Variants in CD164 observed in about 807,000 individuals in gnomAD.
The protein encoded by CD164 is sialomucin core protein 24.
Under a neutral mutation model 24.6 loss-of-function variants are expected in CD164, and 11 were observed. That is an observed-to-expected ratio of 0.45 (90% CI 0.28 to 0.74). CD164 has a LOEUF of 0.74. CD164 is among the 30% of genes least tolerant of loss of function. The pLI, the probability that CD164 is intolerant of heterozygous loss-of-function variation, is 0.13. For missense variants in CD164, 295 were observed against 243.7 expected, an observed-to-expected ratio of 1.21 and a Z score of -1.40; for synonymous variants, 126 against 100.3, an observed-to-expected ratio of 1.26 and a Z score of -1.53.
intron 1 of CD164, chr6:109,381,545 AC>A (rs766621532): frequency 1.4e-6 from 1 of 702,624 alleles, no homozygotes; most frequent in South Asian, 1.5e-5. Flanking sequence ...AACACCCGGT[AC>A]ATACATGGGT....
At chr6:109,374,785 T>C (rs902845476) in intron 4 of CD164, among the ~76,000 whole-genome samples, 1 of 152,188 alleles carries the variant, frequency 6.6e-6, no homozygotes, top group Non-Finnish European at 1.5e-5. Flanking sequence ...CTCCTCCGCA[T>C]GTGCTGACCC....
At chr6:109,381,337 G>A (rs546902230) in intron 1 of CD164, among the ~76,000 whole-genome samples, 2 of 152,274 alleles carry the variant, frequency 1.3e-5, no homozygotes, top group East Asian at 1.9e-4. Flanking sequence ...AAAACCCACA[G>A]ACCTGGGCAC....
At chr6:109,372,401 A>G (rs926048303) in intron 4 of CD164, 8 of 152,196 alleles carry the variant, frequency 5.3e-5, no homozygotes, top group African/African-American at 1.9e-4. Context: ...AGGTATTCTA[A>G]TTTTCACATG....
At chr6:109,381,367 T>C in intron 1 of CD164, 4 of 624,028 alleles carry the variant, frequency 6.4e-6, no homozygotes, top group Non-Finnish European at 1.1e-5. Flanking sequence ...TTCCACGACC[T>C]ACTAAACATA....
intron 2 of CD164, 35 bp downstream of exon 2, chr6:109,379,544 T>G: frequency 7.0e-7 from 1 of 1,433,414 alleles, no homozygotes; most frequent in Non-Finnish European, 9.8e-7. Flanking sequence ...TAAAATGCTA[T>G]AACAAAACAG....
chr6:109,371,652 A>AT (rs1771080737), intron 4 of CD164: 1 of 153,746 alleles, frequency 6.5e-6, no homozygotes. Flanking sequence ...ACAAATTAAC[A>AT]TTTTTTCTAA....
At position 109,377,644 on chromosome 6, in the gene CD164, T is replaced by TA. The variant is rs35168490; in HGVS notation, c.331+255dup. On this transcript the variant is annotated intron_variant, in intron 3 of 5. Coordinates refer to ENST00000310786, the MANE Select transcript of CD164 (RefSeq NM_006016.6). Reference sequence around the variant, plus strand: ...ACTGTGATGAATTCCTAGAAAAGTTTAAAAAAAAAAAAAAAAGTGTGGGGG... The same window carrying TA: ...ACTGTGATGAATTCCTAGAAAAGTTTAAAAAAAAAAAAAAAAAGTGTGGGGG... Among the ~76,000 whole-genome samples the TA allele has an allele frequency of 0.18, 24,833 of 141,366 alleles. 2,184 individuals carry two copies. Among genetic ancestry groups the TA allele is most frequent in the Middle Eastern group, 0.22 (62 of 278 alleles). The allele number at this position is 141,366 out of a possible 152,430, so 92.7% of individuals were successfully genotyped here. A position where few individuals can be genotyped will look rare whatever the true frequency, so the allele number is the denominator to read the frequency against.
intron 3 of CD164, among the ~76,000 whole-genome samples, chr6:109,377,089 A>G (rs771529369): frequency 9.2e-5 from 14 of 152,296 alleles, no homozygotes; most frequent in Non-Finnish European, 1.9e-4. Context: ...ATGAGTTATG[A>G]TTGTGCCACT....
chr6:109,380,241 GTGCATACAATTC>G (rs1771662067), intron 1 of CD164: 1 of 152,230 alleles, frequency 6.6e-6, no homozygotes, highest in Non-Finnish European at 1.5e-5. Flanking sequence ...CCATATTCAA[GTGCATACAATTC>G]AGGTTAACAA....
rs1194931348 is a variant in CD164 at position 109,368,089 on chromosome 6, A to G, written c.*762T>C. The stretch of plus-strand genomic sequence containing the variant: ...ACAGTATGATATCTAAAACAGGTTT[A>G]CTACTGCTCACATCAAGTTACATCC... On this transcript the variant is annotated 3_prime_UTR_variant, in exon 6 of 6. Coordinates refer to ENST00000310786, the MANE Select transcript of CD164 (RefSeq NM_006016.6). The G allele has an allele frequency of 4.5e-6, 2 of 441,890 alleles. No homozygotes were observed. Among genetic ancestry groups the G allele is most frequent in the Admixed American group, 8.8e-5 (2 of 22,732 alleles). 27.4% of individuals were successfully genotyped at this position (441,890 alleles called of 1,614,324 possible).
intron 2 of CD164, 115 bp from the exon 3 acceptor site, chr6:109,378,086 G>T: frequency 1.3e-6 from 1 of 794,502 alleles, no homozygotes; most frequent in Non-Finnish European, 2.1e-6. Flanking sequence ...AGTGGGCAGG[G>T]GGAACCACTT....
In CD164 at chr6:109,366,779, G is replaced by C. The variant is rs1770781863; in HGVS notation, c.*2072C>G. On this transcript the variant is annotated 3_prime_UTR_variant, in exon 6 of 6. Coordinates refer to ENST00000310786, the MANE Select transcript of CD164 (RefSeq NM_006016.6). Reference sequence around the variant, plus strand: ...TGGCTCAAGATACTACATTGCTAAAGTTAGGGGAAAAAAGTAAAAAGGCTG... The same window carrying C: ...TGGCTCAAGATACTACATTGCTAAACTTAGGGGAAAAAAGTAAAAAGGCTG... 1 of 152,606 alleles carries C rather than the reference G, an allele frequency of 6.6e-6. No homozygotes were observed. Among genetic ancestry groups the C allele is most frequent in the Admixed American group, 6.5e-5 (1 of 15,278 alleles). The allele number at this position is 152,606 out of a possible 1,614,324, so 9.5% of individuals were successfully genotyped here.
At chr6:109,372,381 T>C (rs967378876) in intron 4 of CD164, 1 of 152,168 alleles carries the variant, frequency 6.6e-6, no homozygotes, top group Admixed American at 6.5e-5. Context: ...GACTGAATCC[T>C]AGGAAACTAA....
At position 109,381,710 on chromosome 6, in the gene CD164, C is replaced by T. The variant is rs570296824; in HGVS notation, c.175+494G>A. The stretch of plus-strand genomic sequence containing the variant: ...AGTCTGAGACACGAACGAGCATTAC[C>T]GTCTTTAAGTTTCTCTTTCCCGGAC... On this transcript the variant is annotated intron_variant, in intron 1 of 5. Coordinates refer to ENST00000310786, the MANE Select transcript of CD164 (RefSeq NM_006016.6). 9 of 620,168 alleles carry T rather than the reference C, an allele frequency of 1.5e-5. No homozygotes were observed. The East Asian group carries it at 2.3e-4, about 16-fold the overall frequency. The allele number at this position is 620,168 out of a possible 1,614,324, so 38.4% of individuals were successfully genotyped here.
rs1771836761 is a variant in CD164, at chr6:109,382,431, C to T, written c.-53G>A. 8.3e-6 allele frequency: 12 copies of T among 1,445,078 alleles called. No homozygotes were observed. The highest frequency in any genetic ancestry group is 4.1e-5 in the South Asian group (3 of 73,758). 89.5% of individuals were successfully genotyped at this position (1,445,078 alleles called of 1,614,324 possible). On this transcript the variant is annotated 5_prime_UTR_variant, in exon 1 of 6. Coordinates refer to ENST00000310786, the MANE Select transcript of CD164 (RefSeq NM_006016.6). Reference sequence around the variant, plus strand: ...AAAGCTAAGGCTCGCAACGCTCAGTCAACCCCTCAATCCCCTGCGGCGCCG... The same window carrying T: ...AAAGCTAAGGCTCGCAACGCTCAGTTAACCCCTCAATCCCCTGCGGCGCCG...
At chr6:109,379,496 C>A in intron 2 of CD164, 83 bp downstream of exon 2, 1 of 1,010,756 alleles carries the variant, frequency 9.9e-7, no homozygotes, top group Non-Finnish European at 1.5e-6. Context: ...TCCTAAATGT[C>A]CTACATAACT....
At chr6:109,375,257 G>GA in intron 4 of CD164, among the ~76,000 whole-genome samples, 1 of 152,254 alleles carries the variant, frequency 6.6e-6, no homozygotes, top group African/African-American at 2.4e-5. Context: ...TGGAGAATGA[G>GA]AGACGGCCTA....
chr6:109,379,800 T>C (rs1051543554), intron 1 of CD164, 138 bp from the exon 2 acceptor site: 6 of 621,450 alleles, frequency 9.7e-6, no homozygotes, highest in Non-Finnish European at 1.6e-5. Flanking sequence ...GATAAAACTT[T>C]ATACTGGTTT....
intron 1 of CD164, 24 bp downstream of exon 1, chr6:109,382,180 G>A (rs1366264918): frequency 1.3e-6 from 2 of 1,504,804 alleles, no homozygotes; most frequent in East Asian, 2.7e-5. Context: ...GGGAGGGCGG[G>A]AAGCCCACAG....
Sources: gnomAD v4.1 joint callset for allele counts (sites outside exome capture counted in the v4.1 genomes callset) on GRCh38, gnomAD v4.1.1 for gene constraint, MANE v1.5 for transcripts, NCBI Gene and HGNC (gene_info 2026-07-23, HGNC 2026-07-21) for gene names.